AMMECR1: variants seen among roughly 807,000 people sequenced by gnomAD.
The protein encoded by AMMECR1 is AMMECR nuclear protein 1, also known as nuclear protein AMMECR1.
In AMMECR1, 3 loss-of-function variants were observed where a neutral mutation model predicts 22.5. The ratio of observed to expected loss-of-function variants is 0.13; its 90% confidence interval spans 0.06 to 0.35. The LOEUF is 0.35. Among genes scored for constraint, AMMECR1 ranks in the 10% least tolerant of loss-of-function variants. AMMECR1 has a pLI of 1.00. For missense variants in AMMECR1, 235 were observed against 278.7 expected (o/e 0.84, Z 1.12); for synonymous variants, 130 against 116.7 (o/e 1.11, Z -0.74).
chrX:110,427,911 G>C (rs1017949940), intron 1 of AMMECR1, among the ~76,000 whole-genome samples: 1 of 111,343 alleles, frequency 9.0e-6, no homozygotes, highest in African/African-American at 3.3e-5. Context: ...CCTTCACCCA[G>C]CTAACACCAT....
At chrX:110,237,063 C>T in intron 2 of AMMECR1, among the ~76,000 whole-genome samples, 1 of 111,407 alleles carries the variant, frequency 9.0e-6, no homozygotes, top group Non-Finnish European at 1.9e-5. Flanking sequence ...TCCATTGCTT[C>T]TTATATGGGG....
intron 2 of AMMECR1, among the ~76,000 whole-genome samples, chrX:110,409,016 G>C (rs1187778433): frequency 8.9e-6 from 1 of 111,807 alleles, no homozygotes; most frequent in East Asian, 2.8e-4. Flanking sequence ...GAACACCACT[G>C]TGCTAGCCTG....
chrX:110,402,626 C>T lies in AMMECR1; in HGVS notation c.-148+24032G>A, dbSNP rs1374398738. ...TTTGGAATCACCAAGGTTGGGAAGCCAGGCCTCAGAGGGAGTGGCTGGAGG... is the reference window on the plus strand; with the variant it reads ...TTTGGAATCACCAAGGTTGGGAAGCTAGGCCTCAGAGGGAGTGGCTGGAGG... On this transcript the variant is annotated intron_variant, in intron 2 of 7. Transcript: ENST00000372057. Among the ~76,000 whole-genome samples the T allele has an allele frequency of 3.6e-5, 4 of 112,606 alleles. No individual in the cohort carries two copies. In the East Asian group the frequency reaches 1.1e-3, roughly 32 times the overall value.
chrX:110,419,941 A>G, intron 2 of AMMECR1, among the ~76,000 whole-genome samples: 1 of 112,309 alleles, frequency 8.9e-6, no homozygotes. Flanking sequence ...ATCATAACCC[A>G]ATGACGTCAA....
intron 1 of AMMECR1, among the ~76,000 whole-genome samples, chrX:110,433,414 C>T: frequency 9.0e-6 from 1 of 111,655 alleles, no homozygotes; most frequent in Non-Finnish European, 1.9e-5. Flanking sequence ...CTGAATTCAT[C>T]TGTCTTATCG....
chrX:110,230,728 T>A (rs939226045), intron 2 of AMMECR1, among the ~76,000 whole-genome samples: 8 of 111,718 alleles, frequency 7.2e-5, no homozygotes, highest in African/African-American at 2.6e-4. Flanking sequence ...AACAACAAAC[T>A]TCTACGAGCT....
In AMMECR1 at chrX:110,216,604, T is replaced by C. The variant is rs201052711; in HGVS notation, c.613A>G (p.Met205Val). ...AGCCGTGGCAGCTCATCCCTTGTCA[T>C]TGGGGGAAAACGGCTATCTTTAAGG... ...SALKDSRFPP[M>V]TRDELPRLFC... The change falls in exon 3 of 6, where the codon ATG becomes GTG. Residue 205 changes from methionine to valine, a missense_variant. By Grantham distance (21) the Met-to-Val change is conservative (BLOSUM62 1). Around this residue, in one of 2 missense-constraint regions of AMMECR1, gnomAD observed 111 missense variants for 181.7 expected, o/e 0.61. Coordinates refer to ENST00000262844, the MANE Select transcript of AMMECR1 (RefSeq NM_015365.3). 1.2e-4 allele frequency: 146 copies of C among 1,205,021 alleles called. No individual in the cohort carries two copies. The highest frequency in any genetic ancestry group is 2.3e-4 in the South Asian group (13 of 56,353).
intron 2 of AMMECR1, among the ~76,000 whole-genome samples, chrX:110,231,974 A>C (rs1370966832): frequency 8.9e-6 from 1 of 111,815 alleles, no homozygotes; most frequent in African/African-American, 3.3e-5. Context: ...AACTATCCTA[A>C]ATATATATGC....
intron 2 of AMMECR1, chrX:110,359,014 A>G (rs937405844): frequency 8.9e-6 from 1 of 111,752 alleles, no homozygotes; most frequent in African/African-American, 3.3e-5. Flanking sequence ...ATAAGTATTA[A>G]CTCCTTTACA....
chrX:110,213,150 C>T (rs751885452), intron 3 of AMMECR1, among the ~76,000 whole-genome samples: 43 of 111,838 alleles, frequency 3.8e-4, no homozygotes, highest in Non-Finnish European at 7.0e-4. Flanking sequence ...TTAAAGTGTA[C>T]AATTCAGTGG....
intron 1 of AMMECR1, among the ~76,000 whole-genome samples, chrX:110,428,354 T>TAC (rs2068769504): frequency 8.9e-6 from 1 of 112,002 alleles, no homozygotes; most frequent in Admixed American, 9.4e-5. Flanking sequence ...CTCACTGAAC[T>TAC]GTAAGTAACT....
At chrX:110,421,207 G>A (rs1201083903) in intron 2 of AMMECR1, among the ~76,000 whole-genome samples, 1 of 112,174 alleles carries the variant, frequency 8.9e-6, no homozygotes, top group Non-Finnish European at 1.9e-5. Context: ...GCCCTTCAAG[G>A]GACCAAGCAG....
At chrX:110,239,061 A>G (rs2067616470) in intron 2 of AMMECR1, among the ~76,000 whole-genome samples, 1 of 112,191 alleles carries the variant, frequency 8.9e-6, no homozygotes, top group African/African-American at 3.2e-5. Context: ...AATATCAAAG[A>G]CCAAAGCTAG....
chrX:110,434,020 C>G (rs1376030949), intron 1 of AMMECR1, among the ~76,000 whole-genome samples: 1 of 111,293 alleles, frequency 9.0e-6, no homozygotes, highest in Non-Finnish European at 1.9e-5. Context: ...AGGAACGTAT[C>G]TGGGGAAGTT....
At chrX:110,338,476 G>A (rs976106087) in intron 2 of AMMECR1, among the ~76,000 whole-genome samples, 1 of 112,048 alleles carries the variant, frequency 8.9e-6, no homozygotes, top group Non-Finnish European at 1.9e-5. Flanking sequence ...TTAACACAAA[G>A]GTGAAGCTCA....
chrX:110,391,259 C>T (rs1452292123), intron 2 of AMMECR1, among the ~76,000 whole-genome samples: 1 of 111,515 alleles, frequency 9.0e-6, no homozygotes, highest in East Asian at 2.8e-4. Flanking sequence ...TTCTGAGCTA[C>T]AATTGAGTAG....
At chrX:110,393,624 C>T (rs1263335204) in intron 2 of AMMECR1, among the ~76,000 whole-genome samples, 1 of 112,266 alleles carries the variant, frequency 8.9e-6, no homozygotes, top group East Asian at 2.8e-4. Flanking sequence ...CCTCTTCTCT[C>T]TTCATCCTCC....
chrX:110,372,971 C>T (rs1279663932), intron 2 of AMMECR1, among the ~76,000 whole-genome samples: 2 of 111,926 alleles, frequency 1.8e-5, no homozygotes, highest in East Asian at 2.8e-4. Flanking sequence ...AAGCAGATTT[C>T]CCAAATAGTC....
chrX:110,407,316 T>C (rs1294286996), intron 2 of AMMECR1, among the ~76,000 whole-genome samples: 1 of 112,173 alleles, frequency 8.9e-6, no homozygotes, highest in Non-Finnish European at 1.9e-5. Flanking sequence ...TTCTCACTGT[T>C]GGAACTTCAA....
Sources: allele counts gnomAD v4.1 joint callset (sites outside exome capture counted in the v4.1 genomes callset), GRCh38; gene constraint gnomAD v4.1.1; regional missense constraint gnomAD v4.1.1; transcripts MANE v1.5; gene names NCBI Gene and HGNC (gene_info 2026-07-23, HGNC 2026-07-21).